ANKRD28: variants seen among roughly 807,000 people sequenced by gnomAD.
ANKRD28 encodes ankyrin repeat domain 28.
A neutral mutation model predicts 126.5 loss-of-function variants in ANKRD28; 44 were observed. That is an observed-to-expected ratio of 0.35 (90% CI 0.27 to 0.45). The LOEUF is 0.45. Among genes scored for constraint, ANKRD28 ranks in the 20% least tolerant of loss-of-function variants. The pLI is 1.00. For missense variants in ANKRD28, 1,110 were observed against 1,316.6 expected (o/e 0.84, Z 2.43); for synonymous variants, 442 against 468.5 (o/e 0.94, Z 0.73).
chr3:15,832,405 A>G (rs996131697), intron 1 of ANKRD28, among the ~76,000 whole-genome samples: 1 of 152,220 alleles, frequency 6.6e-6, no homozygotes, highest in Non-Finnish European at 1.5e-5. Context: ...CTTTAAGCTC[A>G]AGATTAGGTA....
chr3:15,739,008 T>C (rs777771828), intron 4 of ANKRD28, among the ~76,000 whole-genome samples: 22 of 152,228 alleles, frequency 1.4e-4, no homozygotes, highest in Non-Finnish European at 2.9e-4. Flanking sequence ...AAGATAAATA[T>C]GGCTCTGTTC....
chr3:15,732,465 T>A (rs1328026350), intron 6 of ANKRD28: 1 of 152,282 alleles, frequency 6.6e-6, no homozygotes, highest in Non-Finnish European at 1.5e-5. Context: ...CAACTCAGTG[T>A]TCATGACAGA....
chr3:15,669,979 G>A lies in ANKRD28; in HGVS notation c.*291C>T, dbSNP rs1298135293. The A allele has an allele frequency of 5.9e-6, 2 of 340,842 alleles. No homozygotes were observed. Among genetic ancestry groups the A allele is most frequent in the Non-Finnish European group, 1.1e-5 (2 of 184,226 alleles). The allele number at this position is 340,842 out of a possible 1,614,324, so 21.1% of individuals were successfully genotyped here. ...GTTGCTTGTGTAAGCAGGTTAGAGTGCACAGTGTCCCCAATTGTTCCTGGC... is the reference window on the plus strand; with the variant it reads ...GTTGCTTGTGTAAGCAGGTTAGAGTACACAGTGTCCCCAATTGTTCCTGGC... On this transcript the variant is annotated 3_prime_UTR_variant, in exon 28 of 28. Transcript: ENST00000683139.
At position 15,839,896 on chromosome 3, in the gene ANKRD28, A is replaced by G. The variant is rs1463823452; in HGVS notation, c.27+19481T>C. On this transcript the variant is annotated intron_variant, in intron 1 of 27. Transcript: ENST00000399451. This position sits in a 1 kb window ranked among gnomAD's most constrained non-coding sequence, Gnocchi z 4.3. ...TCACAAAACTAGATACAGAAGAAAC[A>G]TACCTCAACATAATGAAAGCCATAT... Among the ~76,000 whole-genome samples, 1 of 152,200 alleles carries G rather than the reference A, an allele frequency of 6.6e-6. No individual in the cohort carries two copies. The highest frequency in any genetic ancestry group is 1.5e-5 in the Non-Finnish European group (1 of 68,028).
At chr3:15,711,682 G>A (rs969109905) in intron 11 of ANKRD28, among the ~76,000 whole-genome samples, 7 of 151,866 alleles carry the variant, frequency 4.6e-5, no homozygotes, top group Non-Finnish European at 1.0e-4. Context: ...GGGATGAAGA[G>A]GTTTTCTGTA....
intron 3 of ANKRD28, among the ~76,000 whole-genome samples, chr3:15,761,068 T>C (rs1260662399): frequency 6.6e-6 from 1 of 152,318 alleles, no homozygotes; most frequent in African/African-American, 2.4e-5. Context: ...GTTAGAGAAA[T>C]ATATTTAGAG....
intron 14 of ANKRD28, among the ~76,000 whole-genome samples, chr3:15,704,361 G>A (rs2071056084): frequency 6.6e-6 from 1 of 152,046 alleles, no homozygotes; most frequent in African/African-American, 2.4e-5. Context: ...GGGATAAAAG[G>A]CAGAGCAGAA....
At chr3:15,679,667 C>T (rs2067314873) in intron 21 of ANKRD28, 104 bp from the exon 22 acceptor site, 4 of 820,674 alleles carry the variant, frequency 4.9e-6, no homozygotes, top group Non-Finnish European at 7.8e-6. Flanking sequence ...GTCTCTCCCT[C>T]ATCCCATCTC....
intron 17 of ANKRD28, among the ~76,000 whole-genome samples, chr3:15,691,665 T>C (rs971180904): frequency 4.6e-5 from 7 of 152,184 alleles, no homozygotes; most frequent in East Asian, 1.9e-4. Context: ...GTGTAGAAAC[T>C]TGACTACTTA....
chr3:15,810,697 T>A (rs2060693577), intron 1 of ANKRD28, among the ~76,000 whole-genome samples: 1 of 141,728 alleles, frequency 7.1e-6, no homozygotes. Context: ...TAATTTGTTC[T>A]CTCCTTTTTT....
At chr3:15,842,379 G>GA (rs2061441158) in intron 1 of ANKRD28, among the ~76,000 whole-genome samples, 2 of 151,524 alleles carry the variant, frequency 1.3e-5, no homozygotes, top group Non-Finnish European at 2.9e-5. Flanking sequence ...GAGACAGACA[G>GA]TAGAAGGATG....
At chr3:15,859,323 C>G in intron 1 of ANKRD28, 2 of 1,515,686 alleles carry the variant, frequency 1.3e-6, no homozygotes, top group South Asian at 2.5e-5. Context: ...CCGGTCCGCC[C>G]TGCTTCCCTT....
chr3:15,842,987 G>A (rs550055900), intron 1 of ANKRD28, among the ~76,000 whole-genome samples: 5 of 152,266 alleles, frequency 3.3e-5, no homozygotes, highest in African/African-American at 1.2e-4. Context: ...TTGCTTATCT[G>A]GTATATTAGA....
At position 15,737,291 on chromosome 3, in the gene ANKRD28, C is replaced by CTA. The variant is rs554678229; in HGVS notation, c.352-60_352-59dup. The stretch of plus-strand genomic sequence containing the variant: ...GAGTTAAGAGTTTGAGAAATTATTT[C>CTA]TATATATAGTGTGCGTGTGTGTGTA... On this transcript the variant is annotated intron_variant, in intron 4 of 27. Coordinates refer to ENST00000683139, the MANE Select transcript of ANKRD28 (RefSeq NM_001349278.2). The CTA allele has an allele frequency of 1.1e-4, 164 of 1,440,018 alleles. 2 individuals carry two copies. The South Asian group carries it at 1.7e-3, about 15-fold the overall frequency. The allele number at this position is 1,440,018 out of a possible 1,614,324, so 89.2% of individuals were successfully genotyped here. A position where few individuals can be genotyped will look rare whatever the true frequency, so the allele number is the denominator to read the frequency against.
At chr3:15,844,146 C>A (rs927356815) in intron 1 of ANKRD28, among the ~76,000 whole-genome samples, 1 of 152,136 alleles carries the variant, frequency 6.6e-6, no homozygotes, top group Non-Finnish European at 1.5e-5. Context: ...CTACAACACC[C>A]AGTCTGGACT....
chr3:15,757,365 A>C (rs1319315578), intron 3 of ANKRD28, among the ~76,000 whole-genome samples: 1 of 152,198 alleles, frequency 6.6e-6, no homozygotes, highest in Non-Finnish European at 1.5e-5. Flanking sequence ...TGTAAAATAA[A>C]GCATTGTGCT....
rs1444250775 is a variant in ANKRD28, at chr3:15,667,449, A to T, written c.*2821T>A. 2 of 152,222 alleles carry T rather than the reference A, an allele frequency of 1.3e-5. No homozygotes were observed. The highest frequency in any genetic ancestry group is 3.8e-4 in the East Asian group (2 of 5,202). 9.4% of individuals were successfully genotyped at this position (152,222 alleles called of 1,614,324 possible). Reference sequence around the variant, plus strand: ...TTATAATACACATCAGATATTTCAGATGTCATCTTTTATGTATAAGTTAAA... The same window carrying T: ...TTATAATACACATCAGATATTTCAGTTGTCATCTTTTATGTATAAGTTAAA... On this transcript the variant is annotated 3_prime_UTR_variant, in exon 28 of 28. Transcript: ENST00000683139.
chr3:15,846,554 T>C lies in ANKRD28; in HGVS notation c.27+12823A>G, dbSNP rs983131122. On this transcript the variant is annotated intron_variant, in intron 1 of 27. Coordinates refer to the ANKRD28 transcript ENST00000399451. This position sits in a 1 kb window ranked among gnomAD's most constrained non-coding sequence, Gnocchi z 5.4. ...AACGAGTTAAAAAATACAAACAGTATAAACCAAGGGCAACAGTTCCTAAAT... is the reference window on the plus strand; with the variant it reads ...AACGAGTTAAAAAATACAAACAGTACAAACCAAGGGCAACAGTTCCTAAAT... Among the ~76,000 whole-genome samples, 1 of 152,174 alleles carries C rather than the reference T, an allele frequency of 6.6e-6. No individual in the cohort carries two copies. Among genetic ancestry groups the C allele is most frequent in the African/African-American group, 2.4e-5 (1 of 41,442 alleles).
intron 11 of ANKRD28, among the ~76,000 whole-genome samples, chr3:15,711,635 A>C (rs975881239): frequency 3.3e-5 from 5 of 152,112 alleles, no homozygotes; most frequent in Admixed American, 2.0e-4. Context: ...GGGAAGAAAG[A>C]AATGGAGATT....
Sources: gnomAD v4.1 joint callset for allele counts (sites outside exome capture counted in the v4.1 genomes callset) on GRCh38, gnomAD v4.1.1 for gene constraint, Gnocchi (gnomAD v3.1) non-coding constraint, MANE v1.5 for transcripts, NCBI Gene and HGNC (gene_info 2026-07-23, HGNC 2026-07-21) for gene names.